The following BAZ2B variants were observed in gnomAD, a reference collection of about 807,000 sequenced individuals.
BAZ2B encodes the protein bromodomain adjacent to zinc finger domain 2B.
In BAZ2B, 91 loss-of-function variants were observed where a neutral mutation model predicts 246.0. The ratio of observed to expected loss-of-function variants is 0.37; its 90% CI spans 0.31 to 0.44. The LOEUF is 0.44. Among genes scored for constraint, BAZ2B ranks in the 20% least tolerant of loss-of-function variants. The probability of loss-of-function intolerance (pLI) is 1.00; values close to 1 mark genes in which losing one functional copy is unlikely to be tolerated. For missense variants in BAZ2B, 2,332 were observed against 2,533.7 expected, an observed-to-expected ratio of 0.92 and a Z score of 1.71; for synonymous variants, 855 against 860.0, an observed-to-expected ratio of 0.99 and a Z score of 0.10.
intron 13 of BAZ2B, among the ~76,000 whole-genome samples, chr2:159,420,280 T>C (rs907009050): frequency 1.2e-4 from 19 of 152,326 alleles, no homozygotes; most frequent in African/African-American, 4.3e-4. Flanking sequence ...CATTAAGTAT[T>C]TGCCACACAT....
the BAZ2B span, among the ~76,000 whole-genome samples, chr2:159,624,375 T>C: frequency 1.3e-5 from 2 of 152,206 alleles, no homozygotes; most frequent in Admixed American, 6.5e-5. Flanking sequence ...AGTGGGTCCC[T>C]GACCCCTGTG....
intron 33 of BAZ2B, chr2:159,332,935 G>A: frequency 2.3e-6 from 1 of 440,026 alleles, no homozygotes; most frequent in Non-Finnish European, 4.1e-6. Flanking sequence ...GAGGCAGAAT[G>A]CCTTGCACAC....
At chr2:159,508,398 T>G (rs549303570) in intron 2 of BAZ2B, among the ~76,000 whole-genome samples, 6 of 152,212 alleles carry the variant, frequency 3.9e-5, no homozygotes, top group Non-Finnish European at 7.3e-5. Context: ...GAATTTGTAT[T>G]CGGTAAGTTA....
At chr2:159,591,163 T>C (rs889070599) in intron 1 of BAZ2B, among the ~76,000 whole-genome samples, 2 of 152,318 alleles carry the variant, frequency 1.3e-5, no homozygotes, top group Non-Finnish European at 2.9e-5. Context: ...TATAAACATT[T>C]AAAAGTATAA....
At chr2:159,636,643 T>A in the BAZ2B span, among the ~76,000 whole-genome samples, 1 of 152,062 alleles carries the variant, frequency 6.6e-6, no homozygotes, top group Admixed American at 6.5e-5. Context: ...CCTAGGCAAA[T>A]CCTAATGCTA....
chr2:159,425,268 C>T (rs1270361032), intron 13 of BAZ2B, among the ~76,000 whole-genome samples: 1 of 152,140 alleles, frequency 6.6e-6, no homozygotes, highest in Non-Finnish European at 1.5e-5. Context: ...GCAACCTCCA[C>T]CTCCCAGGTT....
intron 1 of BAZ2B, among the ~76,000 whole-genome samples, chr2:159,585,506 TTTTGACC>T (rs1687831244): frequency 6.6e-6 from 1 of 152,208 alleles, no homozygotes; most frequent in East Asian, 1.9e-4. Context: ...TAATTTCCTG[TTTTGACC>T]TTTTTGATTA....
At chr2:159,509,307 G>C (rs1037725659) in intron 2 of BAZ2B, among the ~76,000 whole-genome samples, 1 of 152,044 alleles carries the variant, frequency 6.6e-6, no homozygotes, top group Non-Finnish European at 1.5e-5. Context: ...CTAATTACTT[G>C]TGGAAACATC....
At chr2:159,678,381 C>A in the BAZ2B span, among the ~76,000 whole-genome samples, 1 of 152,182 alleles carries the variant, frequency 6.6e-6, no homozygotes. Flanking sequence ...ATACTAAATA[C>A]CAATCCCAAG....
At chr2:159,625,839 G>A in the BAZ2B span, among the ~76,000 whole-genome samples, 1 of 152,062 alleles carries the variant, frequency 6.6e-6, no homozygotes, top group African/African-American at 2.4e-5. Flanking sequence ...AAACTTAAAT[G>A]TAAACAGGCT....
chr2:159,426,736 G>A (rs2069979946), intron 13 of BAZ2B, among the ~76,000 whole-genome samples: 1 of 152,058 alleles, frequency 6.6e-6, no homozygotes, highest in Non-Finnish European at 1.5e-5. Flanking sequence ...CAGAAACCTT[G>A]AGTTCTAGTT....
chr2:159,427,805 T>C lies in BAZ2B; in HGVS notation c.2466+136A>G, dbSNP rs1284882086. On this transcript the variant is annotated intron_variant, in intron 13 of 36. Coordinates refer to ENST00000392783, the MANE Select transcript of BAZ2B (RefSeq NM_013450.4). The stretch of plus-strand genomic sequence containing the variant: ...AGTTAATTGAGGCCTTAATGAGTGC[T>C]TACCACAAAGTTATATGTATAGCCA... 8 of 613,632 alleles carry C rather than the reference T, an allele frequency of 1.3e-5. No homozygotes were observed. The East Asian group carries it at 2.3e-4, about 18-fold the overall frequency. The allele number at this position is 613,632 out of a possible 1,614,324, so 38.0% of individuals were successfully genotyped here. A position where few individuals can be genotyped will look rare whatever the true frequency, so the allele number is the denominator to read the frequency against.
rs35993512 is a variant in BAZ2B at position 159,565,777 on chromosome 2, C to CA, written c.-45-9913dup. Among the ~76,000 whole-genome samples the CA allele has an allele frequency of 1.1e-3, 116 of 109,158 alleles. 1 individual carries two copies. Among genetic ancestry groups the CA allele is most frequent in the African/African-American group, 1.8e-3 (46 of 25,736 alleles). The allele number at this position is 109,158 out of a possible 152,430, so 71.6% of individuals were successfully genotyped here. ...GGGCAACAGAGTGAGACTCCCATCT[C>CA]AAAAAAAAAAAAAAAGGAAAAAAAA... is the stretch of plus-strand genomic sequence containing the variant. On this transcript the variant is annotated intron_variant, in intron 1 of 36. Transcript: ENST00000392783.
chr2:159,618,088 A>G (rs56164018), upstream of BAZ2B, among the ~76,000 whole-genome samples: 37,523 of 152,196 alleles, frequency 0.25, 5,974 homozygotes, highest in Admixed American at 0.43. Flanking sequence ...ATTGAGCAGC[A>G]AAGCTGTGCT....
chr2:159,341,791 G>A (rs1472992078), intron 31 of BAZ2B, among the ~76,000 whole-genome samples: 1 of 152,084 alleles, frequency 6.6e-6, no homozygotes, highest in African/African-American at 2.4e-5. Context: ...AAGAAATTAA[G>A]AATGAAATTT....
intron 3 of BAZ2B, chr2:159,463,500 CA>C (rs1458792753): frequency 6.0e-6 from 1 of 165,428 alleles, no homozygotes; most frequent in Non-Finnish European, 1.3e-5. Flanking sequence ...TCCCCATTAA[CA>C]GTGTACAAGC....
chr2:159,334,573 T>C (rs1339610948), intron 33 of BAZ2B, among the ~76,000 whole-genome samples: 2 of 152,220 alleles, frequency 1.3e-5, no homozygotes, highest in Non-Finnish European at 2.9e-5. Context: ...AATCTTTGAA[T>C]ATGAAACACT....
intron 27 of BAZ2B, among the ~76,000 whole-genome samples, chr2:159,368,656 C>T (rs1035397615): frequency 6.6e-6 from 1 of 152,106 alleles, no homozygotes; most frequent in Non-Finnish European, 1.5e-5. Flanking sequence ...GTATAAAGTA[C>T]AACTGCTATT....
At chr2:159,499,639 A>T (rs2081504229) in intron 2 of BAZ2B, among the ~76,000 whole-genome samples, 1 of 152,174 alleles carries the variant, frequency 6.6e-6, no homozygotes, top group Admixed American at 6.5e-5. Context: ...ACTCCCATCA[A>T]CAGTGTAAAA....
Sources: allele counts gnomAD v4.1 joint callset (sites outside exome capture counted in the v4.1 genomes callset), GRCh38; gene constraint gnomAD v4.1.1; transcripts MANE v1.5; gene names NCBI Gene and HGNC (gene_info 2026-07-23, HGNC 2026-07-21).